The following TOPBP1 variants were observed in gnomAD, a reference collection of about 807,000 sequenced individuals.
TOPBP1 encodes DNA topoisomerase II binding protein 1.
Under a neutral mutation model 167.7 loss-of-function variants are expected in TOPBP1, and 28 were observed. The observed-to-expected ratio is 0.17, with a 90% CI of 0.12 to 0.23. The LOEUF (loss-of-function observed/expected upper bound fraction) is 0.23. Among genes scored for constraint, TOPBP1 ranks in the 10% least tolerant of loss-of-function variants. The probability of loss-of-function intolerance (pLI) is 1.00; values close to 1 mark genes in which losing one functional copy is unlikely to be tolerated. For missense variants in TOPBP1, 1,554 were observed against 1,809.6 expected (o/e 0.86, Z 2.56); for synonymous variants, 598 against 611.4 (o/e 0.98, Z 0.32).
intron 23 of TOPBP1, among the ~76,000 whole-genome samples, chr3:133,612,935 T>G (rs933725535): frequency 2.0e-5 from 3 of 152,138 alleles, no homozygotes; most frequent in African/African-American, 7.2e-5. Context: ...TGGCATGATC[T>G]TGGCTCACCA....
intron 27 of TOPBP1, among the ~76,000 whole-genome samples, chr3:133,602,699 T>G (rs529247823): frequency 5.3e-4 from 81 of 152,282 alleles, no homozygotes; most frequent in African/African-American, 1.9e-3. Flanking sequence ...ACTACTTAAC[T>G]CTGCCATTAT....
Position 133,649,456 on chromosome 3 carries a change from A to G in TOPBP1, c.1431T>C (p.Phe477=), listed in dbSNP as rs777570748. 47 of 1,613,944 alleles carry G rather than the reference A, an allele frequency of 2.9e-5. No homozygotes were observed. In the Middle Eastern group the frequency reaches 6.6e-4, roughly 23 times the overall value. The change falls in exon 10 of 28, where the codon TTT becomes TTC. Residue 477 remains phenylalanine, a synonymous_variant. Coordinates refer to ENST00000260810, the MANE Select transcript of TOPBP1 (RefSeq NM_007027.4). ...KKNSSFSKKD[F]APSEKHEQAD... ...CTTGCTCATGCTTTTCACTAGGAGCAAAGTCTTTCTTAGAGAAGCTGCTGT... is the reference window on the plus strand; with the variant it reads ...CTTGCTCATGCTTTTCACTAGGAGCGAAGTCTTTCTTAGAGAAGCTGCTGT...
rs552086394 is a variant in TOPBP1 at position 133,635,726 on chromosome 3, T to A, written c.2520+2150A>T. On this transcript the variant is annotated intron_variant, in intron 14 of 27. Coordinates refer to ENST00000260810, the MANE Select transcript of TOPBP1 (RefSeq NM_007027.4). ...CTGGTATAATCACTTTGGCAAAAAA[T>A]TTGTCATTCTCTACTGAAGCTGAAA... is the stretch of plus-strand genomic sequence containing the variant. 2.8e-4 allele frequency among the ~76,000 whole-genome samples: 42 copies of A among 152,258 alleles called. No homozygotes were observed. The South Asian group carries it at 7.3e-3, about 26-fold the overall frequency.
intron 10 of TOPBP1, among the ~76,000 whole-genome samples, chr3:133,645,618 G>C (rs1360692395): frequency 1.3e-5 from 2 of 152,028 alleles, no homozygotes; most frequent in Admixed American, 1.3e-4. Context: ...ATATGTTGTT[G>C]GTAAGATGGG....
chr3:133,646,984 A>C (rs1004393104), intron 10 of TOPBP1, among the ~76,000 whole-genome samples: 3 of 152,240 alleles, frequency 2.0e-5, no homozygotes, highest in African/African-American at 7.2e-5. Context: ...TCTGTGCAGT[A>C]ACCCAGACCC....
At chr3:133,631,954 A>C (rs888592745) in intron 14 of TOPBP1, among the ~76,000 whole-genome samples, 9 of 151,888 alleles carry the variant, frequency 5.9e-5, no homozygotes, top group African/African-American at 1.9e-4. Context: ...CAGTTGTTTA[A>C]AAGTGTGTGG....
At chr3:133,646,365 T>C (rs1449866258) in intron 10 of TOPBP1, among the ~76,000 whole-genome samples, 1 of 151,794 alleles carries the variant, frequency 6.6e-6, no homozygotes, top group East Asian at 1.9e-4. Flanking sequence ...TATGTAAAAT[T>C]GCTGGCTGGG....
At chr3:133,616,416 C>T (rs986915855) in intron 23 of TOPBP1, among the ~76,000 whole-genome samples, 1 of 152,158 alleles carries the variant, frequency 6.6e-6, no homozygotes, top group African/African-American at 2.4e-5. Flanking sequence ...GCCACCGTGC[C>T]TGGCCTCCAC....
In TOPBP1 at chr3:133,620,488, T is replaced by C. The variant is rs1935048902; in HGVS notation, c.3179-141A>G. 19 of 822,288 alleles carry C rather than the reference T, an allele frequency of 2.3e-5. No homozygotes were observed. The East Asian group carries it at 4.8e-4, about 21-fold the overall frequency. The allele number at this position is 822,288 out of a possible 1,614,324, so 50.9% of individuals were successfully genotyped here. The stretch of plus-strand genomic sequence containing the variant: ...GAATATTAACTACAGGCTATAGTAA[T>C]GTACTAAAACTATGAATACTGCAGA... On this transcript the variant is annotated intron_variant, in intron 19 of 27. Coordinates refer to ENST00000260810, the MANE Select transcript of TOPBP1 (RefSeq NM_007027.4).
At chr3:133,615,903 G>T (rs995230164) in intron 23 of TOPBP1, among the ~76,000 whole-genome samples, 1 of 152,068 alleles carries the variant, frequency 6.6e-6, no homozygotes, top group Non-Finnish European at 1.5e-5. Flanking sequence ...AATGCACCCA[G>T]CCTCTTTTTA....
At chr3:133,612,063 T>C (rs561019670) in intron 24 of TOPBP1, among the ~76,000 whole-genome samples, 1 of 149,864 alleles carries the variant, frequency 6.7e-6, no homozygotes, top group South Asian at 2.1e-4. Flanking sequence ...TTTTTTTAGA[T>C]AGGGTCTCAC....
chr3:133,611,838 G>C (rs1466406989), intron 24 of TOPBP1, among the ~76,000 whole-genome samples: 1 of 152,128 alleles, frequency 6.6e-6, no homozygotes, highest in African/African-American at 2.4e-5. Context: ...CTGGGCTCAA[G>C]CAATCCTCCC....
In TOPBP1 at chr3:133,643,288, G is replaced by A. The variant is rs1935957602; in HGVS notation, c.1933C>T (p.Pro645Ser). 3.1e-6 allele frequency: 5 copies of A among 1,612,788 alleles called. No homozygotes were observed. Among genetic ancestry groups the A allele is most frequent in the Non-Finnish European group, 4.2e-6 (5 of 1,179,448 alleles). The change falls in exon 12 of 28, where the codon CCT becomes TCT. Residue 645 changes from proline to serine, a missense_variant. Pro to Ser is a moderately conservative substitution (Grantham distance 74). This residue lies in a region of TOPBP1 where 1,197 missense variants were observed against 1,351.5 expected (regional missense o/e 0.89). Transcript: ENST00000260810. ...AATGAAATAACACAATCCTCTAAAG[G>A]AGTCATTCCTGTCATTACTGGAACT... ...TPVPVMTGMT[P>S]LEDCVISFSQ...
chr3:133,645,026 A>G (rs950642192), intron 10 of TOPBP1, among the ~76,000 whole-genome samples: 1 of 152,356 alleles, frequency 6.6e-6, no homozygotes, highest in African/African-American at 2.4e-5. Flanking sequence ...GAGGTTATGT[A>G]ACTTGCCTAA....
Position 133,644,293 on chromosome 3 carries a change from A to T in TOPBP1, c.1575T>A (p.Thr525=). 1 of 1,613,536 alleles carries T rather than the reference A, an allele frequency of 6.2e-7. No individual in the cohort carries two copies. Among genetic ancestry groups the T allele is most frequent in the South Asian group, 1.1e-5 (1 of 90,998 alleles). ...STHAEPLNDS[T]HISLQEENQS... ...GGTTTTCTTCTTGCAAAGAAATGTG[A>T]GTAGAATCATTCAAGGGCTCAGCAT... Residue 525 remains threonine (T), a synonymous_variant, in exon 11 of 28, where the codon ACT becomes ACA. Transcript: ENST00000260810.
intron 23 of TOPBP1, among the ~76,000 whole-genome samples, chr3:133,613,731 T>C (rs1190797295): frequency 1.3e-5 from 2 of 151,746 alleles, no homozygotes; most frequent in Non-Finnish European, 2.9e-5. Context: ...TGTTGATTTA[T>C]AGCTTAGAGG....
rs775728366 is a variant in TOPBP1, at chr3:133,655,694, C to G, written c.546-208G>C. On this transcript the variant is annotated intron_variant, in intron 5 of 27. Coordinates refer to ENST00000260810, the MANE Select transcript of TOPBP1 (RefSeq NM_007027.4). ...ACAAAGTAATTGTTTCAGATACAGT[C>G]TCTCAAAACCATTTTAAGGGAAAAA... Among the ~76,000 whole-genome samples the G allele has an allele frequency of 3.3e-5, 5 of 152,152 alleles. No homozygotes were observed. The South Asian group carries it at 1.0e-3, about 31-fold the overall frequency.
chr3:133,658,937 C>T (rs1000186276), intron 3 of TOPBP1, 79 bp downstream of exon 3: 8 of 1,434,704 alleles, frequency 5.6e-6, no homozygotes, highest in African/African-American at 2.9e-5. Context: ...CTTTATAATC[C>T]GCAAAGAATG....
intron 14 of TOPBP1, among the ~76,000 whole-genome samples, chr3:133,634,232 G>C (rs2107801806): frequency 6.6e-6 from 1 of 152,354 alleles, no homozygotes; most frequent in South Asian, 2.1e-4. Flanking sequence ...GAAAAGGCCA[G>C]GTGTTGTGGC....
Sources: gnomAD v4.1 joint callset for allele counts (sites outside exome capture counted in the v4.1 genomes callset) on GRCh38, gnomAD v4.1.1 for gene constraint, gnomAD v4.1.1 regional missense constraint, MANE v1.5 for transcripts, NCBI Gene and HGNC (gene_info 2026-07-23, HGNC 2026-07-21) for gene names.